ATP10A: variants seen among roughly 807,000 people sequenced by gnomAD.
ATP10A encodes the protein ATPase phospholipid transporting 10A (putative).
Under a neutral mutation model 147.8 loss-of-function variants are expected in ATP10A, and 111 were observed. The ratio of observed to expected loss-of-function variants is 0.75; its 90% CI spans 0.64 to 0.88. The LOEUF is 0.88. Ranked by LOEUF, ATP10A falls within the 40% of genes least tolerant of loss-of-function variation. ATP10A has a pLI of 0.00. For missense variants in ATP10A, 1,927 were observed against 1,959.0 expected (o/e 0.98, Z 0.31); for synonymous variants, 875 against 841.6 (o/e 1.04, Z -0.69).
At position 25,828,967 on chromosome 15, in the gene ATP10A, C is replaced by T. The variant is rs367562058; in HGVS notation, c.449+33681G>A. 2.0e-4 allele frequency among the ~76,000 whole-genome samples: 31 copies of T among 152,208 alleles called. No homozygotes were observed. In the East Asian group the frequency reaches 4.5e-3, roughly 22 times the overall value. On this transcript the variant is annotated intron_variant, in intron 1 of 20. Coordinates refer to ENST00000555815, the MANE Select transcript of ATP10A (RefSeq NM_024490.4). The stretch of plus-strand genomic sequence containing the variant: ...TTCTATGGCTGGTGATTCCTGGCAA[C>T]CTTATTAATAAAGCTTTGCTCCACA...
intron 1 of ATP10A, among the ~76,000 whole-genome samples, chr15:25,793,654 C>T (rs1890537207): frequency 6.6e-6 from 1 of 152,222 alleles, no homozygotes; most frequent in East Asian, 1.9e-4. Context: ...GTTAGCATAG[C>T]ATGCTTGGGT....
At chr15:25,814,520 G>A (rs1240608417) in intron 1 of ATP10A, among the ~76,000 whole-genome samples, 1 of 152,176 alleles carries the variant, frequency 6.6e-6, no homozygotes, top group Non-Finnish European at 1.5e-5. Flanking sequence ...ATTGGGACTG[G>A]AATCCAAATC....
At chr15:25,708,352 G>T in intron 10 of ATP10A, 52 bp from the exon 11 acceptor site, 1 of 1,510,470 alleles carries the variant, frequency 6.6e-7, no homozygotes, top group South Asian at 1.1e-5. Flanking sequence ...CCTGTGGAAT[G>T]GTCTTCAGAC....
intron 1 of ATP10A, among the ~76,000 whole-genome samples, chr15:25,788,620 A>C (rs915785008): frequency 1.2e-4 from 18 of 152,244 alleles, no homozygotes; most frequent in Admixed American, 1.1e-3. Context: ...TGACTAACAC[A>C]ATCAGAAATA....
At chr15:25,826,536 T>C (rs1360190803) in intron 1 of ATP10A, among the ~76,000 whole-genome samples, 2 of 152,180 alleles carry the variant, frequency 1.3e-5, no homozygotes, top group Non-Finnish European at 2.9e-5. Context: ...CACTCCAGCC[T>C]AGGCAACAGA....
intron 10 of ATP10A, among the ~76,000 whole-genome samples, chr15:25,712,032 C>T (rs1245422658): frequency 1.3e-5 from 2 of 152,176 alleles, no homozygotes; most frequent in African/African-American, 4.8e-5. Context: ...AGTGAACAGG[C>T]AGGGGGGCCC....
At chr15:25,695,185 G>A in intron 13 of ATP10A, 39 bp from the exon 14 acceptor site, 1 of 1,547,034 alleles carries the variant, frequency 6.5e-7, no homozygotes, top group Non-Finnish European at 8.8e-7. Context: ...TTCCCTCAGA[G>A]TCATGCCACA....
At chr15:25,836,179 C>T (rs1419104608) in intron 1 of ATP10A, among the ~76,000 whole-genome samples, 1 of 152,166 alleles carries the variant, frequency 6.6e-6, no homozygotes, top group East Asian at 1.9e-4. Flanking sequence ...GAACTCCTCA[C>T]CTCGAGTGAT....
rs146951717 is a variant in ATP10A, at chr15:25,714,095, G to C, written c.1923C>G (p.Phe641Leu). The change falls in exon 10 of 21, where the codon TTC becomes TTG. Residue 641 changes from phenylalanine to leucine, a missense_variant. Coordinates refer to ENST00000555815, the MANE Select transcript of ATP10A (RefSeq NM_024490.4). ...TGCCGTCGCTGGACGGGGTGGACGGGAAGCTGGAGCCCAACTTGTGGCTGG... is the reference window on the plus strand; with the variant it reads ...TGCCGTCGCTGGACGGGGTGGACGGCAAGCTGGAGCCCAACTTGTGGCTGG... ...NKSSHKLGSS[F>L]PSTPSSDGML... 123 of 1,613,298 alleles carry C rather than the reference G, an allele frequency of 7.6e-5. No homozygotes were observed. The highest frequency in any genetic ancestry group is 8.0e-5 in the Non-Finnish European group (94 of 1,180,046).
Position 25,721,771 on chromosome 15 carries a change from C to T in ATP10A, c.1249G>A (p.Asp417Asn). The T allele has an allele frequency of 1.2e-6, 2 of 1,614,202 alleles. No individual in the cohort carries two copies. The highest frequency in any genetic ancestry group is 2.2e-5 in the South Asian group (2 of 91,080). Reference sequence around the variant, plus strand: ...AAAATGTACTGTATCTGTCCTAAGTCTTCCGTGATGTTCAGAGCTCGGCAC... The same window carrying T: ...AAAATGTACTGTATCTGTCCTAAGTTTTCCGTGATGTTCAGAGCTCGGCAC... ...LQCRALNITE[D>N]LGQIQYIFSD... The change falls in exon 7 of 21, where the codon GAC becomes AAC. Residue 417 changes from aspartate (D) to asparagine (N), a missense_variant. By Grantham distance (23) the Asp-to-Asn change is conservative. Coordinates refer to ENST00000555815, the MANE Select transcript of ATP10A (RefSeq NM_024490.4).
At position 25,862,127 on chromosome 15, in the gene ATP10A, C is replaced by T. The variant is rs545628486; in HGVS notation, c.449+521G>A. The T allele has an allele frequency of 2.5e-3, 931 of 372,976 alleles. 17 individuals are homozygous for T. Among genetic ancestry groups the T allele is most frequent in the South Asian group, 0.017 (908 of 51,984 alleles). The allele number at this position is 372,976 out of a possible 1,614,324, so 23.1% of individuals were successfully genotyped here. On this transcript the variant is annotated intron_variant, in intron 1 of 20. Coordinates refer to ENST00000555815, the MANE Select transcript of ATP10A (RefSeq NM_024490.4). ...AGGATGGACACTGCTGTTATTTCCC[C>T]TGCCCTGGTACCTGGGCCGTGCCAG... is the stretch of plus-strand genomic sequence containing the variant.
intron 12 of ATP10A, among the ~76,000 whole-genome samples, chr15:25,705,454 C>CA (rs367718474): frequency 0.17 from 14,255 of 81,594 alleles, 1,047 homozygotes; most frequent in African/African-American, 0.22. Flanking sequence ...AAAAAAAAAA[C>CA]AAAAAAAAAA....
intron 1 of ATP10A, among the ~76,000 whole-genome samples, chr15:25,819,863 A>C (rs1891807411): frequency 6.6e-6 from 1 of 152,196 alleles, no homozygotes; most frequent in South Asian, 2.1e-4. Flanking sequence ...TATCAGTGGG[A>C]GCTAAATAAC....
intron 1 of ATP10A, among the ~76,000 whole-genome samples, chr15:25,801,564 C>T (rs533590638): frequency 1.3e-5 from 2 of 152,200 alleles, no homozygotes; most frequent in African/African-American, 4.8e-5. Flanking sequence ...CACTCCTGGT[C>T]AACTCTTGGG....
At chr15:25,756,660 G>C (rs1470636799) in intron 2 of ATP10A, among the ~76,000 whole-genome samples, 2 of 151,716 alleles carry the variant, frequency 1.3e-5, no homozygotes, top group African/African-American at 4.8e-5. Context: ...AAAAAAGAAA[G>C]AAAGAAAGAA....
chr15:25,767,434 G>GT (rs1252754624), intron 2 of ATP10A, among the ~76,000 whole-genome samples: 1 of 152,334 alleles, frequency 6.6e-6, no homozygotes, highest in East Asian at 1.9e-4. Context: ...GGGGAGTGCT[G>GT]TAAGAACAGG....
intron 2 of ATP10A, among the ~76,000 whole-genome samples, chr15:25,753,072 A>C (rs1567356707): frequency 6.6e-6 from 1 of 152,230 alleles, no homozygotes; most frequent in African/African-American, 2.4e-5. Context: ...TATCACTCCA[A>C]GTACCTGACG....
chr15:25,682,264 A>G (rs1899461367), intron 17 of ATP10A, among the ~76,000 whole-genome samples: 1 of 152,066 alleles, frequency 6.6e-6, no homozygotes, highest in African/African-American at 2.4e-5. Context: ...CACTTTTAAA[A>G]TTACACGATG....
chr15:25,826,279 G>C (rs1892109721), intron 1 of ATP10A, among the ~76,000 whole-genome samples: 1 of 152,186 alleles, frequency 6.6e-6, no homozygotes, highest in Admixed American at 6.5e-5. Context: ...TAATGACTGG[G>C]TTGGGTACGG....
Sources: gnomAD v4.1 joint callset for allele counts (sites outside exome capture counted in the v4.1 genomes callset) on GRCh38, gnomAD v4.1.1 for gene constraint, MANE v1.5 for transcripts, NCBI Gene and HGNC (gene_info 2026-07-23, HGNC 2026-07-21) for gene names.